GLIS3: variants seen among roughly 807,000 people sequenced by gnomAD.
GLIS3 encodes zinc finger protein GLIS3.
A neutral mutation model predicts 78.6 loss-of-function variants in GLIS3; 53 were observed. That is an observed-to-expected ratio of 0.67 (90% CI 0.54 to 0.85). The LOEUF (loss-of-function observed/expected upper bound fraction) is 0.85. Among genes scored for constraint, GLIS3 ranks in the 40% least tolerant of loss-of-function variants. The pLI, the probability that GLIS3 is intolerant of heterozygous loss-of-function variation, is 0.00. For synonymous variants in GLIS3, 684 were observed against 509.9 expected (o/e 1.34, Z -4.60); for missense variants, 1,703 against 1,231.1 (o/e 1.38, Z -5.74).
At chr9:3,922,866 A>C (rs1252380273) in intron 6 of GLIS3, among the ~76,000 whole-genome samples, 3 of 152,210 alleles carry the variant, frequency 2.0e-5, no homozygotes, top group African/African-American at 7.2e-5. Flanking sequence ...TTATGGTTGG[A>C]AAGATTCTAC....
chr9:4,367,221 A>G, the GLIS3 span, among the ~76,000 whole-genome samples: 1 of 152,138 alleles, frequency 6.6e-6, no homozygotes, highest in Non-Finnish European at 1.5e-5. Context: ...CCCACTCTCC[A>G]GCTTCATCAG....
intron 8 of GLIS3, among the ~76,000 whole-genome samples, chr9:3,871,839 C>T (rs1300111102): frequency 6.6e-6 from 1 of 152,226 alleles, no homozygotes; most frequent in Admixed American, 6.5e-5. Context: ...CTCCTCGTTA[C>T]TTATGCAAAT....
At chr9:4,376,127 G>T in the GLIS3 span, among the ~76,000 whole-genome samples, 6 of 152,146 alleles carry the variant, frequency 3.9e-5, no homozygotes, top group African/African-American at 9.7e-5. Flanking sequence ...TTGAAAAAAA[G>T]TTGGGGTGGG....
intron 2 of GLIS3, among the ~76,000 whole-genome samples, chr9:4,140,008 G>A (rs895793900): frequency 2.6e-5 from 4 of 152,152 alleles, no homozygotes; most frequent in Non-Finnish European, 5.9e-5. Context: ...TGGTTCAGAG[G>A]CAAAATCGCA....
At chr9:4,290,768 T>C (rs541629998) in intron 1 of GLIS3, among the ~76,000 whole-genome samples, 1 of 152,270 alleles carries the variant, frequency 6.6e-6, no homozygotes, top group South Asian at 2.1e-4. Flanking sequence ...AACACAGCTA[T>C]ATTAGATGTC....
intron 1 of GLIS3, among the ~76,000 whole-genome samples, chr9:4,297,482 G>C (rs1479833635): frequency 6.6e-6 from 1 of 152,164 alleles, no homozygotes; most frequent in African/African-American, 2.4e-5. Flanking sequence ...GGGGGGAGCT[G>C]CAGAACTTCC....
chr9:4,124,459 A>AC (rs1832416867), intron 3 of GLIS3, among the ~76,000 whole-genome samples: 1 of 152,236 alleles, frequency 6.6e-6, no homozygotes, highest in Non-Finnish European at 1.5e-5. Flanking sequence ...GACTTGCCAC[A>AC]GAAAGGAAGC....
intron 4 of GLIS3, among the ~76,000 whole-genome samples, chr9:3,971,752 G>A (rs1231394141): frequency 1.3e-5 from 2 of 152,176 alleles, no homozygotes; most frequent in Admixed American, 6.5e-5. Flanking sequence ...GCACTGTCTT[G>A]TATTTAACTG....
upstream of GLIS3, among the ~76,000 whole-genome samples, chr9:4,351,879 C>T (rs1041454168): frequency 2.6e-5 from 4 of 151,762 alleles, no homozygotes; most frequent in African/African-American, 9.7e-5. Context: ...AAAAAAAATG[C>T]ACACAGGATT....
chr9:4,395,122 A>C, the GLIS3 span, among the ~76,000 whole-genome samples: 1 of 152,234 alleles, frequency 6.6e-6, no homozygotes, highest in African/African-American at 2.4e-5. Context: ...CCTGAAGGTT[A>C]ATGTTAAGGG....
chr9:4,420,171 T>A, the GLIS3 span, among the ~76,000 whole-genome samples: 78,230 of 151,940 alleles, frequency 0.51, 20,386 homozygotes, highest in African/African-American at 0.57. Flanking sequence ...CAACCAAAAT[T>A]GAAAACCACA....
chr9:4,032,144 T>A (rs1823894717), intron 4 of GLIS3, among the ~76,000 whole-genome samples: 1 of 152,202 alleles, frequency 6.6e-6, no homozygotes, highest in African/African-American at 2.4e-5. Flanking sequence ...CCTTCAGTCC[T>A]GTGCAGACTG....
At chr9:4,470,201 C>T in the GLIS3 span, among the ~76,000 whole-genome samples, 2 of 152,168 alleles carry the variant, frequency 1.3e-5, no homozygotes, top group Non-Finnish European at 2.9e-5. Flanking sequence ...ACCATTACTT[C>T]TGAAACTATT....
At chr9:4,317,399 T>A (rs561270877) in intron 2 of GLIS3, among the ~76,000 whole-genome samples, 10 of 152,312 alleles carry the variant, frequency 6.6e-5, no homozygotes, top group African/African-American at 2.4e-4. Flanking sequence ...CCACACACAT[T>A]TCCCGAGACA....
chr9:4,359,901 A>G, the GLIS3 span, among the ~76,000 whole-genome samples: 1 of 152,096 alleles, frequency 6.6e-6, no homozygotes, highest in African/African-American at 2.4e-5. Context: ...TGTTAAGTAT[A>G]TAACATATAA....
the GLIS3 span, among the ~76,000 whole-genome samples, chr9:4,392,107 T>C: frequency 1.3e-5 from 2 of 152,146 alleles, no homozygotes; most frequent in East Asian, 1.9e-4. Context: ...GGGACATGGA[T>C]GAACCTGAAA....
At chr9:4,419,624 AC>A in the GLIS3 span, among the ~76,000 whole-genome samples, 1 of 151,060 alleles carries the variant, frequency 6.6e-6, no homozygotes, top group African/African-American at 2.5e-5. Flanking sequence ...TACTAAAAAT[AC>A]AAAAATTAGC....
At chr9:4,256,434 T>C (rs1395835068) in intron 2 of GLIS3, among the ~76,000 whole-genome samples, 4 of 152,204 alleles carry the variant, frequency 2.6e-5, no homozygotes, top group African/African-American at 7.2e-5. Flanking sequence ...AATAAAGACA[T>C]CTAATTTTTC....
chr9:4,245,415 T>G (rs1302171476), intron 2 of GLIS3, among the ~76,000 whole-genome samples: 1 of 152,216 alleles, frequency 6.6e-6, no homozygotes, highest in Non-Finnish European at 1.5e-5. Context: ...ATAAGCAATT[T>G]TCAGGTTCTA....
Sources: allele counts gnomAD v4.1 joint callset (sites outside exome capture counted in the v4.1 genomes callset), GRCh38; gene constraint gnomAD v4.1.1; transcripts MANE v1.5; gene names NCBI Gene and HGNC (gene_info 2026-07-23, HGNC 2026-07-21).